Variants in ZNF148 observed in about 807,000 individuals in gnomAD.
The protein encoded by ZNF148 is Beta-Enolase Repressor Factor-1.
In ZNF148, 7 loss-of-function variants were observed where a neutral mutation model predicts 67.7. The observed-to-expected ratio is 0.10, with a 90% CI of 0.06 to 0.19. The LOEUF (loss-of-function observed/expected upper bound fraction) is 0.19, where lower values mean the gene tolerates loss of function less well. Ranked by LOEUF, ZNF148 falls within the 10% of genes least tolerant of loss-of-function variation. ZNF148 has a pLI of 1.00. For missense variants in ZNF148, 583 were observed against 947.1 expected (o/e 0.62, Z 5.05); for synonymous variants, 333 against 330.7 (o/e 1.01, Z -0.08).
At chr3:125,281,677 C>T (rs1938393740) in intron 5 of ZNF148, among the ~76,000 whole-genome samples, 1 of 152,198 alleles carries the variant, frequency 6.6e-6, no homozygotes, top group African/African-American at 2.4e-5. Context: ...GGAGGTACTG[C>T]TGCCTTTCAT....
chr3:125,264,554 TTTAA>T (rs1003783480), intron 7 of ZNF148, among the ~76,000 whole-genome samples: 2 of 152,222 alleles, frequency 1.3e-5, no homozygotes, highest in Non-Finnish European at 2.9e-5. Context: ...TGCCTTGTTT[TTTAA>T]TTGACTATTG....
At chr3:125,255,514 T>C (rs762869922) in intron 7 of ZNF148, among the ~76,000 whole-genome samples, 54 of 152,132 alleles carry the variant, frequency 3.5e-4, no homozygotes, top group Admixed American at 1.3e-4. Flanking sequence ...CACAAAGTGC[T>C]GGGATTACAG....
chr3:125,259,980 A>G (rs937438379), intron 7 of ZNF148, among the ~76,000 whole-genome samples: 1 of 152,110 alleles, frequency 6.6e-6, no homozygotes, highest in East Asian at 1.9e-4. Context: ...CTTAATTTCA[A>G]TATTGTAGTG....
chr3:125,277,979 C>T (rs767282608), intron 6 of ZNF148, among the ~76,000 whole-genome samples, 170 bp from the exon 7 acceptor site: 1 of 151,628 alleles, frequency 6.6e-6, no homozygotes, highest in Non-Finnish European at 1.5e-5. Flanking sequence ...AATTTTTTTC[C>T]CAGGATTTAA....
At chr3:125,279,102 C>A (rs756571188) in intron 6 of ZNF148, 22 bp downstream of exon 6, 3 of 1,574,028 alleles carry the variant, frequency 1.9e-6, no homozygotes, top group Non-Finnish European at 2.6e-6. Context: ...TGGCCACAAG[C>A]CCATTTTAAT....
chr3:125,371,429 A>G (rs1363079479), intron 1 of ZNF148, among the ~76,000 whole-genome samples: 1 of 149,152 alleles, frequency 6.7e-6, no homozygotes, highest in Non-Finnish European at 1.5e-5. Context: ...CATTTTGGGA[A>G]GCCGAAGCGG....
At chr3:125,235,091 T>A (rs1936026580) in intron 7 of ZNF148, among the ~76,000 whole-genome samples, 2 of 152,196 alleles carry the variant, frequency 1.3e-5, no homozygotes, top group Non-Finnish European at 2.9e-5. Context: ...AACCACAGTC[T>A]AAGTAAACAG....
At chr3:125,373,220 G>A (rs539169909) in intron 1 of ZNF148, among the ~76,000 whole-genome samples, 19 of 150,366 alleles carry the variant, frequency 1.3e-4, no homozygotes, top group East Asian at 2.0e-4. Flanking sequence ...CAAGGCGGGC[G>A]GATCACTTGA....
chr3:125,251,382 T>C (rs1318947653), intron 7 of ZNF148, among the ~76,000 whole-genome samples: 1 of 152,192 alleles, frequency 6.6e-6, no homozygotes, highest in Non-Finnish European at 1.5e-5. Context: ...TGAACTGTAA[T>C]AGATGTACAG....
Position 125,232,733 on chromosome 3 carries a change from A to G in ZNF148, c.1993T>C (p.Ser665Pro). ...TTATCTGGAGTTGTTCTTAGTGGAG[A>G]ATTCATTCCTGATCGAAAGCTATTG... The part of the protein sequence containing the change: ...PINSFRSGMN[S>P]PLRTTPDKSH... Residue 665 changes from serine to proline, a missense_variant, in exon 9 of 9, where the codon TCT (serine) becomes CCT (proline). Coordinates refer to ENST00000360647, the MANE Select transcript of ZNF148 (RefSeq NM_021964.3). This position sits in a 1 kb window ranked among gnomAD's most constrained non-coding sequence, Gnocchi z 4.2. The G allele has an allele frequency of 1.2e-6, 2 of 1,613,874 alleles. No individual in the cohort carries two copies. The highest frequency in any genetic ancestry group is 8.5e-7 in the Non-Finnish European group (1 of 1,179,806).
chr3:125,333,129 C>A (rs958694592), intron 1 of ZNF148, among the ~76,000 whole-genome samples: 1 of 152,126 alleles, frequency 6.6e-6, no homozygotes, highest in Non-Finnish European at 1.5e-5. Context: ...ATAGACTGGA[C>A]AAATGTTTTT....
At chr3:125,292,044 T>G (rs1461712731) in intron 4 of ZNF148, among the ~76,000 whole-genome samples, 1 of 151,986 alleles carries the variant, frequency 6.6e-6, no homozygotes, top group Admixed American at 6.6e-5. Flanking sequence ...AAGGAGAAAT[T>G]TAAGATTTAA....
At chr3:125,274,059 C>T (rs1937910588) in intron 7 of ZNF148, among the ~76,000 whole-genome samples, 1 of 152,036 alleles carries the variant, frequency 6.6e-6, no homozygotes, top group Non-Finnish European at 1.5e-5. Context: ...GAAAATAACA[C>T]AACTATGGAT....
At chr3:125,375,020 GCCGCGCGCTCCCC>G (rs1284896607) in intron 1 of ZNF148, 69 bp downstream of exon 1, 3 of 147,530 alleles carry the variant, frequency 2.0e-5, no homozygotes, top group Non-Finnish European at 4.5e-5. Flanking sequence ...GGCCGTTACC[GCCGCGCGCTCCCC>G]CCGCGCGCCG....
chr3:125,356,489 A>G (rs1459545054), intron 1 of ZNF148, among the ~76,000 whole-genome samples: 1 of 152,226 alleles, frequency 6.6e-6, no homozygotes, highest in Non-Finnish European at 1.5e-5. Context: ...GACAACTGCA[A>G]ATATATTTTT....
chr3:125,328,998 GATATAT>G (rs10565589), intron 2 of ZNF148, among the ~76,000 whole-genome samples: 63 of 147,252 alleles, frequency 4.3e-4, no homozygotes, highest in African/African-American at 6.9e-4. Flanking sequence ...TTATACTACT[GATATAT>G]ATATATATAT....
At chr3:125,247,367 T>C (rs1036789514) in intron 7 of ZNF148, among the ~76,000 whole-genome samples, 2 of 152,214 alleles carry the variant, frequency 1.3e-5, no homozygotes, top group Non-Finnish European at 2.9e-5. Flanking sequence ...AAATTACACA[T>C]TTATATACAC....
intron 7 of ZNF148, among the ~76,000 whole-genome samples, chr3:125,250,534 C>G (rs1353390601): frequency 6.6e-6 from 1 of 152,096 alleles, no homozygotes; most frequent in African/African-American, 2.4e-5. Flanking sequence ...CTGTAAGAAA[C>G]TCATGATCAA....
chr3:125,326,326 A>G (rs1941015646), intron 2 of ZNF148, among the ~76,000 whole-genome samples: 1 of 152,172 alleles, frequency 6.6e-6, no homozygotes, highest in Non-Finnish European at 1.5e-5. Flanking sequence ...ACGACACTGT[A>G]CTACTGGGTT....
Sources: allele counts gnomAD v4.1 joint callset (sites outside exome capture counted in the v4.1 genomes callset), GRCh38; gene constraint gnomAD v4.1.1; non-coding constraint Gnocchi (gnomAD v3.1); transcripts MANE v1.5; gene names NCBI Gene and HGNC (gene_info 2026-07-23, HGNC 2026-07-21).